The following ADGRL1 variants were observed in gnomAD, a reference collection of about 807,000 sequenced individuals.
The protein encoded by ADGRL1 is adhesion G protein-coupled receptor L1.
In ADGRL1, 31 loss-of-function variants were observed where a neutral mutation model predicts 148.9. That is an observed-to-expected ratio of 0.21 (90% CI 0.16 to 0.28). The LOEUF (loss-of-function observed/expected upper bound fraction) is 0.28. Ranked by LOEUF, ADGRL1 falls within the 10% of genes least tolerant of loss-of-function variation. The pLI is 1.00. For synonymous variants in ADGRL1, 937 were observed against 900.3 expected, an observed-to-expected ratio of 1.04 and a Z score of -0.73; for missense variants, 1,521 against 2,058.8, an observed-to-expected ratio of 0.74 and a Z score of 5.05.
intron 3 of ADGRL1, among the ~76,000 whole-genome samples, chr19:14,175,625 CAA>C (rs914937191): frequency 6.4e-4 from 97 of 152,162 alleles, no homozygotes; most frequent in Admixed American, 1.9e-3. Flanking sequence ...CAGACACACT[CAA>C]AGACATGTTT....
chr19:14,149,446 T>A lies in ADGRL1; in HGVS notation c.*1427A>T, dbSNP rs1189717808. The A allele has an allele frequency of 6.6e-6, 1 of 152,476 alleles. No individual in the cohort carries two copies. The allele number at this position is 152,476 out of a possible 1,614,324, so 9.4% of individuals were successfully genotyped here. ...CCCCATTTTCCTTCTGCCATCAACCTCTCTAGGTGGGAAATCAGCCCCATC... is the reference window on the plus strand; with the variant it reads ...CCCCATTTTCCTTCTGCCATCAACCACTCTAGGTGGGAAATCAGCCCCATC... On this transcript the variant is annotated 3_prime_UTR_variant, in exon 23 of 23. Coordinates refer to ENST00000361434, the MANE Select transcript of ADGRL1 (RefSeq NM_014921.5).
At chr19:14,166,755 A>C (rs1970012534) in intron 4 of ADGRL1, among the ~76,000 whole-genome samples, 2 of 151,482 alleles carry the variant, frequency 1.3e-5, no homozygotes, top group African/African-American at 4.8e-5. Flanking sequence ...AAGGAGGGAC[A>C]GAGAGAGACA....
rs769212579 is a variant in ADGRL1 at position 14,163,361 on chromosome 19, G to A, written c.440C>T (p.Ser147Leu). ...AGACTGGTGCTCTGACTCGTGTGTC[G>A]AGGTGGGCTCCAGCACCTTCTGCAG... The part of the protein sequence containing the change: ...GTLQKVLEPT[S>L]THESEHQSGA... Residue 147 changes from serine (S) to leucine (L), a missense_variant, in exon 5 of 23, where the codon TCG becomes TTG. Ser to Leu is a moderately radical substitution (Grantham distance 145). This residue lies in a region of ADGRL1 where 334 missense variants were observed against 512.5 expected (regional missense o/e 0.65). Transcript: ENST00000361434. The A allele has an allele frequency of 1.4e-5, 22 of 1,597,228 alleles. No individual in the cohort carries two copies. Among genetic ancestry groups the A allele is most frequent in the Admixed American group, 1.7e-5 (1 of 57,160 alleles).
chr19:14,148,196 CTGGT>C lies in ADGRL1; in HGVS notation c.*2673_*2676del, dbSNP rs1234957110. Reference sequence around the variant, plus strand: ...GGGTGGGGGCGTCAAGGCACCAGGTCTGGTTAGGTTGGGGGGACACCTGGGCTCT... The same window carrying C: ...GGGTGGGGGCGTCAAGGCACCAGGTCTAGGTTGGGGGGACACCTGGGCTCT... On this transcript the variant is annotated 3_prime_UTR_variant, in exon 23 of 23. Coordinates refer to ENST00000361434, the MANE Select transcript of ADGRL1 (RefSeq NM_014921.5). 1.3e-5 allele frequency: 2 copies of C among 152,936 alleles called. No individual in the cohort carries two copies. The highest frequency in any genetic ancestry group is 4.8e-5 in the African/African-American group (2 of 41,500). 9.5% of individuals were successfully genotyped at this position (152,936 alleles called of 1,614,324 possible).
chr19:14,156,571 G>A, intron 16 of ADGRL1, 87 bp downstream of exon 16: 7 of 892,692 alleles, frequency 7.8e-6, no homozygotes, highest in East Asian at 2.8e-5. Flanking sequence ...GTGTGTGGGG[G>A]GGGTGGGGGG....
intron 4 of ADGRL1, chr19:14,168,726 CGGGAGAAGTT>C (rs892554447): frequency 6.6e-6 from 1 of 152,106 alleles, no homozygotes; most frequent in African/African-American, 2.4e-5. Context: ...TCACCTGCCT[CGGGAGAAGTT>C]GGGTCATTAT....
At chr19:14,156,062 G>T in intron 17 of ADGRL1, 48 bp downstream of exon 17, 1 of 1,439,564 alleles carries the variant, frequency 6.9e-7, no homozygotes. Context: ...GCCCAGCGTG[G>T]GGCGGGGGTG....
At chr19:14,190,060 C>T (rs561074524) in intron 1 of ADGRL1, among the ~76,000 whole-genome samples, 59 of 152,028 alleles carry the variant, frequency 3.9e-4, no homozygotes, top group Non-Finnish European at 6.8e-4. Flanking sequence ...CCTAAGTGGC[C>T]GGGGCTACGG....
At chr19:14,197,813 G>A (rs112837180) in intron 1 of ADGRL1, among the ~76,000 whole-genome samples, 14,468 of 152,158 alleles carry the variant, frequency 0.095, 1,100 homozygotes, top group African/African-American at 0.21. Context: ...CCCTGGGCAA[G>A]GAGTGGATGC....
chr19:14,167,458 G>A (rs1970086901), intron 4 of ADGRL1, among the ~76,000 whole-genome samples: 1 of 152,120 alleles, frequency 6.6e-6, no homozygotes, highest in Non-Finnish European at 1.5e-5. Context: ...AGGGAGTGGT[G>A]GGGTGGATAA....
chr19:14,178,461 T>C (rs1380660785), intron 2 of ADGRL1, among the ~76,000 whole-genome samples: 1 of 151,790 alleles, frequency 6.6e-6, no homozygotes, highest in Non-Finnish European at 1.5e-5. Context: ...GCCATGATTG[T>C]GCCATTGCAC....
Position 14,161,221 on chromosome 19 carries a change from G to A in ADGRL1, c.1510+91C>T, listed in dbSNP as rs868368011. The A allele has an allele frequency of 9.4e-5, 119 of 1,271,074 alleles. No homozygotes were observed. The highest frequency in any genetic ancestry group is 4.2e-4 in the South Asian group (27 of 63,942). The allele number at this position is 1,271,074 out of a possible 1,614,324, so 78.7% of individuals were successfully genotyped here. ...CCTGCCCTCAGAAAACCTCTGCTCC[G>A]CAGTAGAGACCCCCACCCACACATG... On this transcript the variant is annotated intron_variant, in intron 6 of 22. Coordinates refer to ENST00000361434, the MANE Select transcript of ADGRL1 (RefSeq NM_014921.5). This position sits in a 1 kb window ranked among gnomAD's most constrained non-coding sequence, Gnocchi z 4.4.
intron 4 of ADGRL1, 93 bp from the exon 5 acceptor site, chr19:14,163,499 G>GAGAGAGAGAGAGAGA: frequency 1.4e-6 from 1 of 740,240 alleles, no homozygotes; most frequent in African/African-American, 2.3e-5. Context: ...AGAGAGAGAG[G>GAGAGAGAGAGAGAGA]GGGGAGAGAG....
rs1224697088 is a variant in ADGRL1 at position 14,151,064 on chromosome 19, G to A, written c.4219C>T (p.Pro1407Ser). Residue 1407 changes from proline to serine, a missense_variant, in exon 23 of 23, where the codon CCC becomes TCC. By Grantham distance (74) the Pro-to-Ser change is moderately conservative. Transcript: ENST00000361434. Reference sequence around the variant, plus strand: ...GGGGGGCCGGGGGGTGCGGGAGGGGGTGGGGGCAGGGCCTCACTGGGCCCC... The same window carrying A: ...GGGGGGCCGGGGGGTGCGGGAGGGGATGGGGGCAGGGCCTCACTGGGCCCC... Reference protein sequence around the residue: ...PEGPSEALPPPPPAPPGPPEI... With the variant: ...PEGPSEALPPSPPAPPGPPEI... 1 of 1,486,708 alleles carries A rather than the reference G, an allele frequency of 6.7e-7. No homozygotes were observed. Among genetic ancestry groups the A allele is most frequent in the Admixed American group, 2.3e-5 (1 of 42,666 alleles). The allele number at this position is 1,486,708 out of a possible 1,614,324, so 92.1% of individuals were successfully genotyped here. A position where few individuals can be genotyped will look rare whatever the true frequency, so the allele number is the denominator to read the frequency against.
intron 1 of ADGRL1, among the ~76,000 whole-genome samples, chr19:14,187,034 A>G (rs1189641689): frequency 2.0e-5 from 3 of 152,068 alleles, no homozygotes; most frequent in Non-Finnish European, 4.4e-5. Flanking sequence ...TTCTTGAGAG[A>G]GGCCCTTACA....
At position 14,155,500 on chromosome 19, in the gene ADGRL1, C is replaced by T. The variant is rs11554838; in HGVS notation, c.3153G>A (p.Leu1051=). 34,259 of 1,613,750 alleles carry T rather than the reference C, an allele frequency of 0.021. 1,366 individuals are homozygous for T. Among genetic ancestry groups the T allele is most frequent in the African/African-American group, 0.17 (13,021 of 75,012 alleles). The change falls in exon 18 of 23, where the codon CTG becomes CTA. Residue 1051 remains leucine, a synonymous_variant. Coordinates refer to ENST00000361434, the MANE Select transcript of ADGRL1 (RefSeq NM_014921.5). The surrounding 1 kb of genome is among the most constrained non-coding windows in gnomAD (Gnocchi z 5.0). ...IKSWALGAIA[L]LFLLGLTWAF... is the part of the protein sequence containing the mutation. Reference sequence around the variant, plus strand: ...CCCAGGTGAGGCCCAGCAGGAACAGCAGCGCGATGGCCCCCAGCGCCCAGG... The same window carrying T: ...CCCAGGTGAGGCCCAGCAGGAACAGTAGCGCGATGGCCCCCAGCGCCCAGG...
At chr19:14,189,427 G>C (rs572723944) in intron 1 of ADGRL1, among the ~76,000 whole-genome samples, 1 of 152,030 alleles carries the variant, frequency 6.6e-6, no homozygotes, top group Admixed American at 6.6e-5. Flanking sequence ...GCAGGATTTC[G>C]TCATGTTGCC....
At chr19:14,151,703 T>A in intron 22 of ADGRL1, 88 bp from the exon 23 acceptor site, 1 of 1,299,730 alleles carries the variant, frequency 7.7e-7, no homozygotes, top group Non-Finnish European at 1.1e-6. Flanking sequence ...TGTGGAGAAG[T>A]GGGCTTGATT....
At chr19:14,172,809 G>C (rs1465356924) in intron 3 of ADGRL1, among the ~76,000 whole-genome samples, 3 of 152,132 alleles carry the variant, frequency 2.0e-5, no homozygotes, top group Admixed American at 6.5e-5. Context: ...TTTGCTCCCT[G>C]TCTGTTAGTC....
Sources: gnomAD v4.1 joint callset for allele counts (sites outside exome capture counted in the v4.1 genomes callset) on GRCh38, gnomAD v4.1.1 for gene constraint, gnomAD v4.1.1 regional missense constraint, Gnocchi (gnomAD v3.1) non-coding constraint, MANE v1.5 for transcripts, NCBI Gene and HGNC (gene_info 2026-07-23, HGNC 2026-07-21) for gene names.